Variants in FAT3 observed in about 807,000 individuals in gnomAD.
FAT3 encodes the protein protocadherin Fat 3.
In FAT3, 95 loss-of-function variants were observed where a neutral mutation model predicts 310.2. That is an observed-to-expected ratio of 0.31 (90% confidence interval 0.26 to 0.36). FAT3 has a LOEUF of 0.36. FAT3 is among the 10% of genes least tolerant of loss of function. FAT3 has a pLI of 1.00. For synonymous variants in FAT3, 2,314 were observed against 2,192.9 expected (o/e 1.06, Z -1.54); for missense variants, 5,408 against 5,715.6 (o/e 0.95, Z 1.74).
chr11:92,443,724 C>G (rs1469288193), intron 2 of FAT3, among the ~76,000 whole-genome samples: 1 of 152,012 alleles, frequency 6.6e-6, no homozygotes, highest in Non-Finnish European at 1.5e-5. Flanking sequence ...TACCTCACTT[C>G]AAATCATTTG....
At chr11:92,403,226 C>A (rs1008532211) in intron 2 of FAT3, 1 of 152,150 alleles carries the variant, frequency 6.6e-6, no homozygotes, top group Non-Finnish European at 1.5e-5. Context: ...GGTACCTGAG[C>A]AAGATGTCTG....
chr11:92,810,184 C>G, intron 13 of FAT3, 108 bp downstream of exon 13: 1 of 949,230 alleles, frequency 1.1e-6, no homozygotes, highest in South Asian at 1.7e-5. Flanking sequence ...TGGTTCTTTA[C>G]CACGAGAACA....
At chr11:92,478,952 CTTTTCTTTTCT>C (rs1565348269) in intron 2 of FAT3, among the ~76,000 whole-genome samples, 1 of 89,516 alleles carries the variant, frequency 1.1e-5, no homozygotes, top group Admixed American at 1.1e-4. Context: ...TTCTTTCTTT[CTTTTCTTTTCT>C]TTTCTTTTCT....
At chr11:92,493,334 T>C (rs1408913877) in intron 2 of FAT3, among the ~76,000 whole-genome samples, 1 of 152,110 alleles carries the variant, frequency 6.6e-6, no homozygotes, top group African/African-American at 2.4e-5. Flanking sequence ...CTGTTGGCCT[T>C]ACTCTGAGCT....
intron 2 of FAT3, among the ~76,000 whole-genome samples, chr11:92,378,721 C>T (rs1004996743): frequency 2.0e-5 from 3 of 152,142 alleles, no homozygotes; most frequent in African/African-American, 4.8e-5. Context: ...ATAAGCTGAG[C>T]AGCTTATAAA....
Position 92,891,333 on chromosome 11 carries a change from A to G in FAT3, c.*220A>G. The G allele has an allele frequency of 1.6e-6, 1 of 619,438 alleles. No homozygotes were observed. The highest frequency in any genetic ancestry group is 2.7e-6 in the Non-Finnish European group (1 of 364,342). The allele number at this position is 619,438 out of a possible 1,614,324, so 38.4% of individuals were successfully genotyped here. A position where few individuals can be genotyped will look rare whatever the true frequency, so the allele number is the denominator to read the frequency against. ...AATTGTTTTTGAGAGGTGACTGGTA[A>G]TCCTTGATGTAGGTACCTATGTTCA... On this transcript the variant is annotated 3_prime_UTR_variant, in exon 28 of 28. Transcript: ENST00000525166.
chr11:92,486,394 A>C (rs1200043785), intron 2 of FAT3, among the ~76,000 whole-genome samples: 2 of 151,156 alleles, frequency 1.3e-5, no homozygotes, highest in Non-Finnish European at 2.9e-5. Context: ...CGTGTCTGCT[A>C]TTTCCTGGGG....
intron 3 of FAT3, among the ~76,000 whole-genome samples, chr11:92,542,108 A>G (rs373433828): frequency 9.2e-5 from 14 of 152,226 alleles, no homozygotes; most frequent in Admixed American, 6.5e-4. Context: ...TCTTAAGTAC[A>G]TGGCACTTGG....
intron 1 of FAT3, among the ~76,000 whole-genome samples, chr11:92,260,297 C>A (rs1480997231): frequency 2.6e-5 from 4 of 151,844 alleles, no homozygotes; most frequent in African/African-American, 9.7e-5. Flanking sequence ...ATGATTGAAC[C>A]CAAACTCGTA....
intron 4 of FAT3, among the ~76,000 whole-genome samples, chr11:92,715,780 G>C (rs1301559904): frequency 6.6e-6 from 1 of 151,814 alleles, no homozygotes; most frequent in Admixed American, 6.6e-5. Context: ...ACAGAAGAGG[G>C]GAGACTTGAC....
At chr11:92,863,241 C>G (rs1949163071) in intron 21 of FAT3, among the ~76,000 whole-genome samples, 1 of 152,116 alleles carries the variant, frequency 6.6e-6, no homozygotes, top group Non-Finnish European at 1.5e-5. Flanking sequence ...CTGTGCCCAA[C>G]TCAGGGAAAA....
chr11:92,526,845 A>G (rs1953884025), intron 3 of FAT3, among the ~76,000 whole-genome samples: 1 of 152,196 alleles, frequency 6.6e-6, no homozygotes, highest in Admixed American at 6.5e-5. Flanking sequence ...CTAATTGTCT[A>G]AAGAAATATA....
At chr11:92,488,600 C>T (rs904572085) in intron 2 of FAT3, among the ~76,000 whole-genome samples, 9 of 151,832 alleles carry the variant, frequency 5.9e-5, no homozygotes, top group African/African-American at 9.7e-5. Flanking sequence ...TAGAGAATCC[C>T]ATTATATCCT....
chr11:92,803,549 G>A (rs1335535039), intron 10 of FAT3, among the ~76,000 whole-genome samples: 1 of 152,192 alleles, frequency 6.6e-6, no homozygotes, highest in Non-Finnish European at 1.5e-5. Context: ...ATCCCAGGGA[G>A]GACCCTGAAG....
chr11:92,857,543 G>T (rs975998523), intron 20 of FAT3, among the ~76,000 whole-genome samples, 195 bp downstream of exon 20: 1 of 152,196 alleles, frequency 6.6e-6, no homozygotes, highest in South Asian at 2.1e-4. Context: ...TGTGCTAAGG[G>T]AGCATGTAAA....
At chr11:92,225,806 C>T (rs1174609466) in intron 1 of FAT3, among the ~76,000 whole-genome samples, 1 of 152,154 alleles carries the variant, frequency 6.6e-6, no homozygotes, top group Non-Finnish European at 1.5e-5. Context: ...GGCGGCGGCT[C>T]TTCGACTGGG....
At chr11:92,591,511 G>A (rs1283826638) in intron 3 of FAT3, among the ~76,000 whole-genome samples, 2 of 152,124 alleles carry the variant, frequency 1.3e-5, no homozygotes, top group Non-Finnish European at 2.9e-5. Context: ...ACTCACAGCA[G>A]AACCATAGCA....
At chr11:92,639,403 A>G (rs1197010714) in intron 3 of FAT3, among the ~76,000 whole-genome samples, 1 of 152,154 alleles carries the variant, frequency 6.6e-6, no homozygotes, top group Non-Finnish European at 1.5e-5. Context: ...TAGTTCAGGG[A>G]GCATCACAGA....
chr11:92,452,587 A>T (rs1422059851), intron 2 of FAT3, among the ~76,000 whole-genome samples: 3 of 152,126 alleles, frequency 2.0e-5, no homozygotes, highest in Non-Finnish European at 4.4e-5. Context: ...CTACAATGGG[A>T]CCACATACCC....
Sources: allele counts gnomAD v4.1 joint callset (sites outside exome capture counted in the v4.1 genomes callset), GRCh38; gene constraint gnomAD v4.1.1; transcripts MANE v1.5; gene names NCBI Gene and HGNC (gene_info 2026-07-23, HGNC 2026-07-21).